Variants in ZNF534 observed in about 807,000 individuals in gnomAD.
ZNF534 encodes the protein KRAB domain only 3.
In ZNF534, 19 loss-of-function variants were observed where a neutral mutation model predicts 13.6. The ratio of observed to expected loss-of-function variants is 1.40; its 90% CI spans 0.97 to 2.05. The LOEUF (loss-of-function observed/expected upper bound fraction) is 2.05, where lower values mean the gene tolerates loss of function less well. ZNF534 is among the 30% of genes most tolerant of loss of function. The pLI is 0.00. For synonymous variants in ZNF534, 244 were observed against 273.8 expected, an observed-to-expected ratio of 0.89 and a Z score of 1.07; for missense variants, 782 against 796.3, an observed-to-expected ratio of 0.98 and a Z score of 0.22.
chr19:52,430,391 A>G (rs1306336821), intron 1 of ZNF534, among the ~76,000 whole-genome samples: 2 of 152,116 alleles, frequency 1.3e-5, no homozygotes, highest in African/African-American at 4.8e-5. Flanking sequence ...AGGGTTTAGT[A>G]CTGATGGAGG....
Position 52,439,004 on chromosome 19 carries a change from T to C in ZNF534, c.1544T>C (p.Ile515Thr). 6.2e-7 allele frequency: 1 copy of C among 1,603,736 alleles called. No individual in the cohort carries two copies. The change falls in exon 5 of 5, where the codon ATT (isoleucine) becomes ACT (threonine). Residue 515 changes from isoleucine to threonine, a missense_variant. This residue lies in a region of ZNF534 where 591 missense variants were observed against 574.0 expected (regional missense o/e 1.03). Coordinates refer to ENST00000433050, the MANE Select transcript of ZNF534 (RefSeq NM_001143938.3). ...TCACACCTTGCACAACATAGGGATA[T>C]TCATACTGGAGAGAAGCCTTACAGT... The part of the protein sequence containing the change: ...QNSHLAQHRD[I>T]HTGEKPYSCN...
chr19:52,433,185 G>A (rs1322669543), intron 2 of ZNF534, among the ~76,000 whole-genome samples: 3 of 148,516 alleles, frequency 2.0e-5, no homozygotes, highest in Non-Finnish European at 4.4e-5. Flanking sequence ...GTTGCAGTGG[G>A]TGGATATCAC....
At chr19:52,435,756 C>G (rs755664765) in intron 4 of ZNF534, among the ~76,000 whole-genome samples, 1 of 151,860 alleles carries the variant, frequency 6.6e-6, no homozygotes, top group Non-Finnish European at 1.5e-5. Flanking sequence ...CCACCCACCT[C>G]AGCCTCCCAA....
At position 52,451,716 on chromosome 19, in the gene ZNF534, A is replaced by G. The variant is rs1241845398; in HGVS notation, c.*219A>G. 5.9e-6 allele frequency: 4 copies of G among 681,706 alleles called. No individual in the cohort carries two copies. In the African/African-American group the frequency reaches 7.2e-5, roughly 12 times the overall value. The allele number at this position is 681,706 out of a possible 1,614,324, so 42.2% of individuals were successfully genotyped here. On this transcript the variant is annotated 3_prime_UTR_variant, in exon 5 of 5. Transcript: ENST00000301085. ...TAGCTCCAAGGTCTGGCTTGGCTGC[A>G]AAACACTTTGTTGATGTAGGAGCTG...
At chr19:52,444,011 TTTC>T (rs1568448612), downstream of ZNF534, among the ~76,000 whole-genome samples, 1 of 152,024 alleles carries the variant, frequency 6.6e-6, no homozygotes, top group African/African-American at 2.4e-5. Context: ...AAATCAGGGA[TTTC>T]TTCTTGGTTT....
At chr19:52,434,357 C>T (rs948129427) in intron 3 of ZNF534, among the ~76,000 whole-genome samples, 6 of 149,024 alleles carry the variant, frequency 4.0e-5, no homozygotes, top group South Asian at 4.3e-4. Flanking sequence ...CCCAGCTACT[C>T]GGGAGGCTGA....
chr19:52,444,864 C>T (rs138329061), downstream of ZNF534, among the ~76,000 whole-genome samples: 956 of 152,300 alleles, frequency 6.3e-3, 11 homozygotes, highest in Non-Finnish European at 6.8e-3. Flanking sequence ...CATGTCCCAA[C>T]AGCAGGAAGT....
In ZNF534 at chr19:52,434,052, T is replaced by C. The variant is rs1471273967; in HGVS notation, c.113T>C (p.Leu38Ser). ...AAAGCTTTATACAGGGACGTGATGTTAGAGAACTACAGGAACCTGGTCTCC... is the reference window on the plus strand; with the variant it reads ...AAAGCTTTATACAGGGACGTGATGTCAGAGAACTACAGGAACCTGGTCTCC... ...GQKALYRDVM[L>S]ENYRNLVSLG... Residue 38 changes from leucine (L) to serine (S), a missense_variant, in exon 3 of 5, where the codon TTA becomes TCA. Around this residue, in one of 5 missense-constraint regions of ZNF534, gnomAD observed 81 missense variants for 63.5 expected, o/e 1.28. Transcript: ENST00000433050. 1.2e-6 allele frequency: 2 copies of C among 1,614,130 alleles called. No homozygotes were observed. The highest frequency in any genetic ancestry group is 2.2e-5 in the South Asian group (2 of 91,076).
At chr19:52,451,855 G>T in exon 5 of ZNF534, 1 of 763,460 alleles carries the variant, frequency 1.3e-6, no homozygotes, top group Non-Finnish European at 2.2e-6. Flanking sequence ...TTTGTGAACG[G>T]ATTTTTTAAT....
chr19:52,444,649 A>G (rs375716252), downstream of ZNF534, among the ~76,000 whole-genome samples: 271 of 152,028 alleles, frequency 1.8e-3, 4 homozygotes, highest in South Asian at 7.3e-3. Flanking sequence ...GTCTGAGCTC[A>G]GACTCTCCTT....
At chr19:52,444,873 G>A (rs1346478944), downstream of ZNF534, among the ~76,000 whole-genome samples, 1 of 152,192 alleles carries the variant, frequency 6.6e-6, no homozygotes, top group East Asian at 1.9e-4. Context: ...ACAGCAGGAA[G>A]TCTGTTTCCA....
chr19:52,431,227 C>T (rs1454003611), intron 1 of ZNF534, among the ~76,000 whole-genome samples, 181 bp from the exon 2 acceptor site: 1 of 149,808 alleles, frequency 6.7e-6, no homozygotes, highest in Non-Finnish European at 1.5e-5. Context: ...CACCATGAGA[C>T]AGGAGAGAGT....
chr19:52,444,014 C>G (rs1192113261), downstream of ZNF534, among the ~76,000 whole-genome samples: 1 of 151,824 alleles, frequency 6.6e-6, no homozygotes, highest in African/African-American at 2.4e-5. Context: ...TCAGGGATTT[C>G]TTCTTGGTTT....
chr19:52,429,690 G>A (rs959463733), intron 1 of ZNF534, among the ~76,000 whole-genome samples: 2 of 151,600 alleles, frequency 1.3e-5, no homozygotes, highest in African/African-American at 2.4e-5. Flanking sequence ...CCGCCTCCCG[G>A]ATTCAAGCGA....
chr19:52,442,548 C>T (rs1253186110), downstream of ZNF534, among the ~76,000 whole-genome samples: 1 of 152,216 alleles, frequency 6.6e-6, no homozygotes, highest in African/African-American at 2.4e-5. Context: ...TTTTCCACTC[C>T]ACACTATATT....
chr19:52,435,939 C>CT (rs869289648), intron 4 of ZNF534, among the ~76,000 whole-genome samples: 1,191 of 24,158 alleles, frequency 0.049, 36 homozygotes, highest in African/African-American at 0.11. Context: ...TCTTCTTCTT[C>CT]TTTTTTTTTT....
At position 52,438,937 on chromosome 19, in the gene ZNF534, C is replaced by T. The variant is rs963397174; in HGVS notation, c.1477C>T (p.Leu493Phe). The T allele has an allele frequency of 6.3e-7, 1 of 1,593,354 alleles. No homozygotes were observed. ...TAGGAAAATTCATACTGGAGAGAAGCTTTACAAATGTAATGAATGTGGCAA... is the reference window on the plus strand; with the variant it reads ...TAGGAAAATTCATACTGGAGAGAAGTTTTACAAATGTAATGAATGTGGCAA... ...RHRKIHTGEK[L>F]YKCNECGKVF... Residue 493 changes from leucine (L) to phenylalanine (F), a missense_variant, in exon 5 of 5, where the codon CTT (leucine) becomes TTT (phenylalanine). This residue lies in a region of ZNF534 where 591 missense variants were observed against 574.0 expected (regional missense o/e 1.03). Transcript: ENST00000433050.
At position 52,451,773 on chromosome 19, in the gene ZNF534, TG is replaced by T. The variant is rs2059218179; in HGVS notation, c.*278del. On this transcript the variant is annotated 3_prime_UTR_variant, in exon 5 of 5. Transcript: ENST00000301085. ...CAGATGAAGATTATAGAGGAAATGT[TG>T]GTGTTGTACTCTTTAATTTTTGCAA... The T allele has an allele frequency of 5.4e-5, 37 of 686,536 alleles. No individual in the cohort carries two copies. The South Asian group carries it at 5.7e-4, about 11-fold the overall frequency. 42.5% of individuals were successfully genotyped at this position (686,536 alleles called of 1,614,324 possible). A position where few individuals can be genotyped will look rare whatever the true frequency, so the allele number is the denominator to read the frequency against.
rs200490348 is a variant in ZNF534 at position 52,440,693 on chromosome 19, ATCAC to A, written c.*1249_*1252del. ...CTACTCAGGAGGCTGAGGCAGGAGA[ATCAC>A]TTAAACCCAGGAGATGGAGGTTGCA... On this transcript the variant is annotated 3_prime_UTR_variant, in exon 5 of 5. Transcript: ENST00000433050. Among the ~76,000 whole-genome samples the A allele has an allele frequency of 4.1e-5, 1 of 24,116 alleles. No individual in the cohort carries two copies. Among genetic ancestry groups the A allele is most frequent in the South Asian group, 9.1e-4 (1 of 1,104 alleles). The allele number at this position is 24,116 out of a possible 152,430, so 15.8% of individuals were successfully genotyped here. A position where few individuals can be genotyped will look rare whatever the true frequency, so the allele number is the denominator to read the frequency against.
Sources: allele counts gnomAD v4.1 joint callset (sites outside exome capture counted in the v4.1 genomes callset), GRCh38; gene constraint gnomAD v4.1.1; regional missense constraint gnomAD v4.1.1; transcripts MANE v1.5; gene names NCBI Gene and HGNC (gene_info 2026-07-23, HGNC 2026-07-21).